Variants in TMUB2 observed in about 807,000 individuals in gnomAD.
TMUB2 encodes the protein transmembrane and ubiquitin-like domain-containing protein 2.
In TMUB2, 19 loss-of-function variants were observed where a neutral mutation model predicts 20.2. The observed-to-expected ratio is 0.94, with a 90% CI of 0.66 to 1.38. The LOEUF is 1.38. Ranked by LOEUF, TMUB2 falls within the 40% of genes most tolerant of loss-of-function variation. The pLI is 0.00. For missense variants in TMUB2, 426 were observed against 402.5 expected (o/e 1.06, Z -0.50); for synonymous variants, 186 against 166.0 (o/e 1.12, Z -0.92).
rs933041003 is a variant in TMUB2 at position 44,187,619 on chromosome 17, G to T, written c.-33-57G>T. 26 of 712,640 alleles carry T rather than the reference G, an allele frequency of 3.6e-5. No individual in the cohort carries two copies. In the African/African-American group the frequency reaches 3.7e-4, roughly 10 times the overall value. 44.1% of individuals were successfully genotyped at this position (712,640 alleles called of 1,614,324 possible). A position where few individuals can be genotyped will look rare whatever the true frequency, so the allele number is the denominator to read the frequency against. Reference sequence around the variant, plus strand: ...AACATTAACCTTCTTACCATCAGGGGTTAGTTGTGGTTGTGATAAATAATT... The same window carrying T: ...AACATTAACCTTCTTACCATCAGGGTTTAGTTGTGGTTGTGATAAATAATT... On this transcript the variant is annotated intron_variant, in intron 1 of 3. Transcript: ENST00000538716.
chr17:44,190,372 G>T (rs563850651), intron 3 of TMUB2, 129 bp from the exon 4 acceptor site: 81 of 655,624 alleles, frequency 1.2e-4, no homozygotes, highest in South Asian at 8.3e-4. Context: ...AAAAAAAAAA[G>T]GATAAAGATG....
At chr17:44,187,610 C>T (rs2054640107) in intron 1 of TMUB2, 66 bp from the exon 2 acceptor site, 1 of 706,462 alleles carries the variant, frequency 1.4e-6, no homozygotes, top group Non-Finnish European at 2.7e-6. Flanking sequence ...AACCTTCTTA[C>T]CATCAGGGGT....
rs1213830750 is a variant in TMUB2 at position 44,189,503 on chromosome 17, C to G, written c.517C>G (p.Leu173Val). 5 of 1,613,898 alleles carry G rather than the reference C, an allele frequency of 3.1e-6. No homozygotes were observed. Among genetic ancestry groups the G allele is most frequent in the Non-Finnish European group, 4.2e-6 (5 of 1,179,952 alleles). The change falls in exon 3 of 4, where the codon CTC (leucine) becomes GTC (valine). Residue 173 changes from leucine to valine, a missense_variant. Leu to Val is a conservative substitution (Grantham distance 32). Coordinates refer to ENST00000538716, the MANE Select transcript of TMUB2 (RefSeq NM_001076674.3). Reference sequence around the variant, plus strand: ...CACCTGCCTCCCTCCCAGCCCTGGCCTCATCACTGTGCGGCTCAAATTCCT... The same window carrying G: ...CACCTGCCTCCCTCCCAGCCCTGGCGTCATCACTGTGCGGCTCAAATTCCT... ...DSTCLPPSPG[L>V]ITVRLKFLND... is the part of the protein sequence containing the mutation.
At position 44,190,763 on chromosome 17, in the gene TMUB2, C is replaced by G. The variant is rs540365819; in HGVS notation, c.865C>G (p.Arg289Gly). 4 of 1,614,160 alleles carry G rather than the reference C, an allele frequency of 2.5e-6. No homozygotes were observed. The highest frequency in any genetic ancestry group is 3.4e-6 in the Non-Finnish European group (4 of 1,180,030). ...VVLLGVVWYF[R>G]INYRQFFTAP... ...GCTGTTGGGTGTGGTCTGGTACTTCCGAATCAATTACCGCCAATTCTTCAC... is the reference window on the plus strand; with the variant it reads ...GCTGTTGGGTGTGGTCTGGTACTTCGGAATCAATTACCGCCAATTCTTCAC... Residue 289 changes from arginine to glycine, a missense_variant, in exon 4 of 4, where the codon CGA becomes GGA. Coordinates refer to ENST00000538716, the MANE Select transcript of TMUB2 (RefSeq NM_001076674.3).
At position 44,189,576 on chromosome 17, in the gene TMUB2, G is replaced by A. The variant is rs751468574; in HGVS notation, c.590G>A (p.Gly197Asp). Residue 197 changes from glycine to aspartate, a missense_variant, in exon 3 of 4, where the codon GGT becomes GAT. Transcript: ENST00000538716. ...GTGGCTAGGCCAGAGGATACCGTGG[G>A]TGCCCTGAAGAGGTGAGTGGCCTGG... ...LAVARPEDTVGALKSKYFPGQ... is the reference protein window; with the variant it reads ...LAVARPEDTVDALKSKYFPGQ... 4 of 1,587,962 alleles carry A rather than the reference G, an allele frequency of 2.5e-6. No individual in the cohort carries two copies. In the Admixed American group the frequency reaches 5.3e-5, roughly 21 times the overall value.
chr17:44,187,893 G>A, intron 2 of TMUB2, 150 bp downstream of exon 2: 1 of 664,868 alleles, frequency 1.5e-6, no homozygotes, highest in Admixed American at 2.3e-5. Flanking sequence ...TAAGGATGTT[G>A]ATGTGTTCCA....
At position 44,189,171 on chromosome 17, in the gene TMUB2, G is replaced by T. The variant is rs756764277; in HGVS notation, c.185G>T (p.Gly62Val). ...AWLSTYVADS[G>V]SNQLLGAIVS... ...CTCTCTACCTACGTAGCAGACAGCG[G>T]TAGCAACCAGCTCCTGGGCGCTATT... The change falls in exon 3 of 4, where the codon GGT becomes GTT. Residue 62 changes from glycine to valine, a missense_variant. Gly to Val is a moderately radical substitution (Grantham distance 109). Coordinates refer to ENST00000538716, the MANE Select transcript of TMUB2 (RefSeq NM_001076674.3). 7.4e-6 allele frequency: 12 copies of T among 1,614,162 alleles called. No individual in the cohort carries two copies. The highest frequency in any genetic ancestry group is 1.0e-5 in the Non-Finnish European group (12 of 1,180,020).
chr17:44,191,350 G>T lies in TMUB2; in HGVS notation c.*486G>T. 1.0e-6 allele frequency: 1 copy of T among 988,894 alleles called. No homozygotes were observed. Among genetic ancestry groups the T allele is most frequent in the Non-Finnish European group, 1.2e-6 (1 of 831,802 alleles). 61.3% of individuals were successfully genotyped at this position (988,894 alleles called of 1,614,324 possible). A position where few individuals can be genotyped will look rare whatever the true frequency, so the allele number is the denominator to read the frequency against. On this transcript the variant is annotated 3_prime_UTR_variant, in exon 4 of 4. Coordinates refer to ENST00000538716, the MANE Select transcript of TMUB2 (RefSeq NM_001076674.3). ...CTGAAATCACACTGGCGGGAATGAAGATTGTGCCAGCCTTCTCTTATGGGC... is the reference window on the plus strand; with the variant it reads ...CTGAAATCACACTGGCGGGAATGAATATTGTGCCAGCCTTCTCTTATGGGC...
In TMUB2 at chr17:44,190,623, G is replaced by T; in HGVS notation, c.725G>T (p.Arg242Leu). 1 of 1,614,162 alleles carries T rather than the reference G, an allele frequency of 6.2e-7. No individual in the cohort carries two copies. Among genetic ancestry groups the T allele is most frequent in the Non-Finnish European group, 8.5e-7 (1 of 1,180,016 alleles). The change falls in exon 4 of 4, where the codon CGC (arginine) becomes CTC (leucine). Residue 242 changes from arginine to leucine, a missense_variant. Physicochemically the swap from Arg to Leu is moderately radical, Grantham distance 102. Transcript: ENST00000538716. ...GACAACTGTGTGATTCACTGCCACC[G>T]CTCACCCCCAGGGTCAGCTGTTCCA... ...ITDNCVIHCHRSPPGSAVPGP... is the reference protein window; with the variant it reads ...ITDNCVIHCHLSPPGSAVPGP...
rs759546235 is a variant in TMUB2, at chr17:44,189,038, A to G, written c.52A>G (p.Ser18Gly). 1.2e-6 allele frequency: 2 copies of G among 1,613,288 alleles called. No homozygotes were observed. The highest frequency in any genetic ancestry group is 1.7e-6 in the Non-Finnish European group (2 of 1,179,686). The change falls in exon 3 of 4, where the codon AGC becomes GGC. Residue 18 changes from serine to glycine, a missense_variant. Coordinates refer to ENST00000538716, the MANE Select transcript of TMUB2 (RefSeq NM_001076674.3). ...NNLMSVDPAS[S>G]QAMELSDVTL... Reference sequence around the variant, plus strand: ...TTCCTGCAGCGTGGACCCTGCCAGCAGCCAGGCCATGGAGCTCTCTGATGT... The same window carrying G: ...TTCCTGCAGCGTGGACCCTGCCAGCGGCCAGGCCATGGAGCTCTCTGATGT...
At position 44,191,877 on chromosome 17, in the gene TMUB2, T is replaced by TA; in HGVS notation, c.*1014dup. 3.2e-6 allele frequency: 1 copy of TA among 316,704 alleles called. No homozygotes were observed. Among genetic ancestry groups the TA allele is most frequent in the Non-Finnish European group, 4.6e-6 (1 of 218,814 alleles). The allele number at this position is 316,704 out of a possible 1,614,324, so 19.6% of individuals were successfully genotyped here. ...AGGGAATACACAGCGTTTACAAAGT[T>TA]AGCTACCTGTACAGAATGGATTACA... On this transcript the variant is annotated 3_prime_UTR_variant, in exon 4 of 4. Transcript: ENST00000538716.
chr17:44,189,784 G>A lies in TMUB2; in HGVS notation c.602+196G>A, dbSNP rs553199043. 3.3e-4 allele frequency: 167 copies of A among 512,914 alleles called. 1 individual carries two copies. Among genetic ancestry groups the A allele is most frequent in the Middle Eastern group, 5.1e-4 (1 of 1,968 alleles). The allele number at this position is 512,914 out of a possible 1,614,324, so 31.8% of individuals were successfully genotyped here. ...TCCCGGGACTTTGGGAGGCCGAGGC[G>A]GGTGCATCACGAGGTTAGGAGTTCG... On this transcript the variant is annotated intron_variant, in intron 3 of 3. Coordinates refer to ENST00000538716, the MANE Select transcript of TMUB2 (RefSeq NM_001076674.3).
intron 1 of TMUB2, 29 bp from the exon 2 acceptor site, chr17:44,187,647 T>G: frequency 1.4e-6 from 1 of 717,098 alleles, no homozygotes; most frequent in Non-Finnish European, 2.6e-6. Flanking sequence ...AAATAATTAC[T>G]ACCGTTATTA....
chr17:44,191,516 AAGCCAAGCCCCCAGCATTGGGAGC>A lies in TMUB2; in HGVS notation c.*653_*676del. 3.0e-6 allele frequency: 3 copies of A among 985,988 alleles called. No homozygotes were observed. Among genetic ancestry groups the A allele is most frequent in the Non-Finnish European group, 3.6e-6 (3 of 830,048 alleles). 61.1% of individuals were successfully genotyped at this position (985,988 alleles called of 1,614,324 possible). Reference sequence around the variant, plus strand: ...TCAGTCAGGAAGGGGATGGGGCACCAAGCCAAGCCCCCAGCATTGGGAGCGGCCAGGCCACAGCTGCTGCTCCCG... The same window carrying A: ...TCAGTCAGGAAGGGGATGGGGCACCAGGCCAGGCCACAGCTGCTGCTCCCG... On this transcript the variant is annotated 3_prime_UTR_variant, in exon 4 of 4. Transcript: ENST00000538716.
In TMUB2 at chr17:44,191,573, C is replaced by T; in HGVS notation, c.*709C>T. 13 of 986,086 alleles carry T rather than the reference C, an allele frequency of 1.3e-5. No homozygotes were observed. The highest frequency in any genetic ancestry group is 4.7e-5 in the South Asian group (1 of 21,292). 61.1% of individuals were successfully genotyped at this position (986,086 alleles called of 1,614,324 possible). A position where few individuals can be genotyped will look rare whatever the true frequency, so the allele number is the denominator to read the frequency against. ...CCACAGCTGCTGCTCCCGTAGTCCT[C>T]AGGCTGTAAGCAAGAGACAGCACTG... On this transcript the variant is annotated 3_prime_UTR_variant, in exon 4 of 4. Transcript: ENST00000538716.
chr17:44,191,002 G>C lies in TMUB2; in HGVS notation c.*138G>C. The C allele has an allele frequency of 2.0e-6, 3 of 1,482,242 alleles. No individual in the cohort carries two copies. The highest frequency in any genetic ancestry group is 2.7e-6 in the Non-Finnish European group (3 of 1,124,542). The allele number at this position is 1,482,242 out of a possible 1,614,324, so 91.8% of individuals were successfully genotyped here. A position where few individuals can be genotyped will look rare whatever the true frequency, so the allele number is the denominator to read the frequency against. ...GAAATCTCCTCCATAGGACACAGGA[G>C]GCAAGTATGCGGCCTCCCCTTCTCA... On this transcript the variant is annotated 3_prime_UTR_variant, in exon 4 of 4. Transcript: ENST00000538716.
In TMUB2 at chr17:44,189,057, C is replaced by G; in HGVS notation, c.71C>G (p.Ser24Cys). The change falls in exon 3 of 4, where the codon TCT becomes TGT. Residue 24 changes from serine (S) to cysteine (C), a missense_variant. Physicochemically the swap from Ser to Cys is moderately radical, Grantham distance 112 (BLOSUM62 -1). Transcript: ENST00000538716. ...GCCAGCAGCCAGGCCATGGAGCTCTCTGATGTCACCCTCATTGAGGGTGTG... is the reference window on the plus strand; with the variant it reads ...GCCAGCAGCCAGGCCATGGAGCTCTGTGATGTCACCCTCATTGAGGGTGTG... ...DPASSQAMEL[S>C]DVTLIEGVGN... 6.2e-7 allele frequency: 1 copy of G among 1,613,934 alleles called. No individual in the cohort carries two copies. Among genetic ancestry groups the G allele is most frequent in the Non-Finnish European group, 8.5e-7 (1 of 1,179,962 alleles).
rs747722705 is a variant in TMUB2 at position 44,190,593 on chromosome 17, T to C, written c.695T>C (p.Ile232Thr). Residue 232 changes from isoleucine to threonine, a missense_variant, in exon 4 of 4, where the codon ATT becomes ACT. By Grantham distance (89) the Ile-to-Thr change is moderately conservative. Coordinates refer to ENST00000538716, the MANE Select transcript of TMUB2 (RefSeq NM_001076674.3). ...DPARTLRSLN[I>T]TDNCVIHCHR... ...GCCCGCACACTGCGTTCTCTGAACA[T>C]TACCGACAACTGTGTGATTCACTGC... 1.2e-6 allele frequency: 2 copies of C among 1,614,224 alleles called. No individual in the cohort carries two copies. Among genetic ancestry groups the C allele is most frequent in the African/African-American group, 2.7e-5 (2 of 75,058 alleles).
intron 3 of TMUB2, 94 bp from the exon 4 acceptor site, chr17:44,190,407 G>GT: frequency 8.9e-7 from 1 of 1,117,872 alleles, no homozygotes; most frequent in Non-Finnish European, 1.2e-6. Context: ...CCACCCTCCA[G>GT]TTTTTCCCCA....
Sources: gnomAD v4.1 joint callset for allele counts on GRCh38, gnomAD v4.1.1 for gene constraint, MANE v1.5 for transcripts, NCBI Gene and HGNC (gene_info 2026-07-23, HGNC 2026-07-21) for gene names.